Variants in PCDHGA5 observed in about 807,000 individuals in gnomAD.
The protein encoded by PCDHGA5 is protocadherin gamma subfamily A, 5, also known as protocadherin gamma-A5.
PCDHGA5 carries 36 observed loss-of-function variants against 56.7 expected under a neutral mutation model. That is an observed-to-expected ratio of 0.64 (90% CI 0.49 to 0.84). The LOEUF is 0.84. Among genes scored for constraint, PCDHGA5 ranks in the 40% least tolerant of loss-of-function variants. The probability of loss-of-function intolerance (pLI) is 0.00; values close to 1 mark genes in which losing one functional copy is unlikely to be tolerated. For missense variants in PCDHGA5, 1,305 were observed against 1,201.5 expected, an observed-to-expected ratio of 1.09 and a Z score of -1.27; for synonymous variants, 563 against 520.2, an observed-to-expected ratio of 1.08 and a Z score of -1.12.
intron 1 of PCDHGA5, chr5:141,417,867 G>C (rs1182017096): frequency 1.9e-6 from 3 of 1,552,610 alleles, no homozygotes; most frequent in African/African-American, 2.7e-5. Flanking sequence ...ACGATGGGAG[G>C]GAGCTGCGCG....
chr5:141,388,619 C>A (rs369637121), intron 1 of PCDHGA5: 1 of 1,613,852 alleles, frequency 6.2e-7, no homozygotes, highest in Admixed American at 1.7e-5. Flanking sequence ...TCAGTCAAGA[C>A]GTATACAGGG....
intron 1 of PCDHGA5, chr5:141,395,341 G>T: frequency 7.1e-7 from 1 of 1,409,696 alleles, no homozygotes; most frequent in Non-Finnish European, 9.4e-7. Flanking sequence ...AATTTTTAAG[G>T]TGTATCACAG....
At chr5:141,484,877 G>T in intron 1 of PCDHGA5, 1 of 338,660 alleles carries the variant, frequency 3.0e-6, no homozygotes, top group Non-Finnish European at 5.4e-6. Context: ...GTGGAGGATA[G>T]GGTGGGCTTT....
intron 1 of PCDHGA5, among the ~76,000 whole-genome samples, chr5:141,402,439 G>C (rs1278186410): frequency 6.6e-6 from 1 of 151,914 alleles, no homozygotes; most frequent in East Asian, 1.9e-4. Context: ...TCATAAAAAG[G>C]AAATTATAAT....
At chr5:141,388,710 G>T in intron 1 of PCDHGA5, 1 of 1,613,966 alleles carries the variant, frequency 6.2e-7, no homozygotes, top group Non-Finnish European at 8.5e-7. Context: ...TGTCAATGCC[G>T]AGATTACTTT....
intron 1 of PCDHGA5, chr5:141,415,388 G>C (rs752789407): frequency 6.2e-7 from 1 of 1,614,236 alleles, no homozygotes; most frequent in East Asian, 2.2e-5. Flanking sequence ...GGCTTGACAG[G>C]TGTGTCCGGC....
At chr5:141,387,891 A>T (rs774395551) in intron 1 of PCDHGA5, 36 of 1,554,882 alleles carry the variant, frequency 2.3e-5, no homozygotes, top group Non-Finnish European at 2.9e-5. Context: ...AGGGATGGGG[A>T]GCGGCGCCGG....
At chr5:141,448,200 T>C (rs2098574351) in intron 1 of PCDHGA5, among the ~76,000 whole-genome samples, 1 of 152,156 alleles carries the variant, frequency 6.6e-6, no homozygotes, top group Non-Finnish European at 1.5e-5. Context: ...CTTACAAACA[T>C]TTTCTGTGTG....
intron 1 of PCDHGA5, among the ~76,000 whole-genome samples, chr5:141,425,305 AC>A (rs1239206853): frequency 1.3e-5 from 2 of 152,202 alleles, no homozygotes; most frequent in Non-Finnish European, 2.9e-5. Flanking sequence ...ATCTAAACTA[AC>A]TTCCCAAGAT....
rs369794418 is a variant in PCDHGA5, at chr5:141,497,143, G to A, written c.2480+2278G>A. Among the ~76,000 whole-genome samples the A allele has an allele frequency of 7.3e-5, 11 of 150,108 alleles. No individual in the cohort carries two copies. In the East Asian group the frequency reaches 1.6e-3, roughly 21 times the overall value. On this transcript the variant is annotated intron_variant, in intron 2 of 3. Coordinates refer to ENST00000518069, the MANE Select transcript of PCDHGA5 (RefSeq NM_018918.3). ...AGAGGTTGCAGTGAGCTGAGATCAC[G>A]AAAAAAAAATAATCTAGCCACAAAT...
chr5:141,368,214 T>C (rs983603842), intron 1 of PCDHGA5, among the ~76,000 whole-genome samples: 12 of 152,194 alleles, frequency 7.9e-5, no homozygotes, highest in African/African-American at 2.9e-4. Flanking sequence ...ATATTACAAA[T>C]GGGATAGTAA....
Position 141,485,373 on chromosome 5 carries a change from C to T in PCDHGA5, c.2422-9434C>T. 2 of 1,614,136 alleles carry T rather than the reference C, an allele frequency of 1.2e-6. No homozygotes were observed. Among genetic ancestry groups the T allele is most frequent in the East Asian group, 2.2e-5 (1 of 44,868 alleles). On this transcript the variant is annotated intron_variant, in intron 1 of 3. Transcript: ENST00000518069. This position sits in a 1 kb window ranked among gnomAD's most constrained non-coding sequence, Gnocchi z 5.7. ...CTGTCAGCTCGCAGGCTGCAGGTCG[C>T]TGGAGAGGTGAACCAAAGACACTTC... is the stretch of plus-strand genomic sequence containing the variant.
intron 1 of PCDHGA5, chr5:141,410,052 T>C: frequency 6.2e-7 from 1 of 1,613,122 alleles, no homozygotes; most frequent in Non-Finnish European, 8.5e-7. Context: ...CCCGGACTCT[T>C]CAGCCTGGGG....
intron 1 of PCDHGA5, chr5:141,426,390 C>T (rs1211244710): frequency 7.9e-6 from 2 of 252,180 alleles, no homozygotes; most frequent in African/African-American, 4.4e-5. Flanking sequence ...AGATCCGCTA[C>T]TCTATTCCAG....
At chr5:141,488,208 C>T (rs2099672939) in intron 1 of PCDHGA5, among the ~76,000 whole-genome samples, 1 of 152,152 alleles carries the variant, frequency 6.6e-6, no homozygotes, top group African/African-American at 2.4e-5. Flanking sequence ...GGACTCATAT[C>T]AAGTCCCTAC....
In PCDHGA5 at chr5:141,489,406, A is replaced by T; in HGVS notation, c.2422-5401A>T. 6.2e-7 allele frequency: 1 copy of T among 1,614,166 alleles called. No individual in the cohort carries two copies. Among genetic ancestry groups the T allele is most frequent in the Non-Finnish European group, 8.5e-7 (1 of 1,180,028 alleles). Reference sequence around the variant, plus strand: ...TGTTGCTCAGGATCTGGGCTTAAAGATGACAGATCTGTTGAGCCGGCGGCT... The same window carrying T: ...TGTTGCTCAGGATCTGGGCTTAAAGTTGACAGATCTGTTGAGCCGGCGGCT... On this transcript the variant is annotated intron_variant, in intron 1 of 3. Coordinates refer to ENST00000518069, the MANE Select transcript of PCDHGA5 (RefSeq NM_018918.3). This position sits in a 1 kb window ranked among gnomAD's most constrained non-coding sequence, Gnocchi z 4.5.
rs1210809217 is a variant in PCDHGA5 at position 141,432,990 on chromosome 5, A to G, written c.2422-61817A>G. The G allele has an allele frequency of 6.2e-7, 1 of 1,614,152 alleles. No individual in the cohort carries two copies. The highest frequency in any genetic ancestry group is 1.7e-5 in the Admixed American group (1 of 60,022). ...CCGGCGTCGCACTTTGTGGGCGTGGACGGGGTGCAGGCTTTCCTGCAGACC... is the reference window on the plus strand; with the variant it reads ...CCGGCGTCGCACTTTGTGGGCGTGGGCGGGGTGCAGGCTTTCCTGCAGACC... On this transcript the variant is annotated intron_variant, in intron 1 of 3. Transcript: ENST00000518069. This position sits in a 1 kb window ranked among gnomAD's most constrained non-coding sequence, Gnocchi z 6.0.
intron 1 of PCDHGA5, chr5:141,422,905 G>A: frequency 6.2e-7 from 1 of 1,614,260 alleles, no homozygotes; most frequent in South Asian, 1.1e-5. Flanking sequence ...GAACGACAAT[G>A]CGCCCGAGAT....
At chr5:141,405,203 C>A in intron 1 of PCDHGA5, 2 of 1,613,520 alleles carry the variant, frequency 1.2e-6, no homozygotes, top group Non-Finnish European at 1.7e-6. Flanking sequence ...AGCTTTCCTA[C>A]AGACCTATTC....
Sources: gnomAD v4.1 joint callset for allele counts (sites outside exome capture counted in the v4.1 genomes callset) on GRCh38, gnomAD v4.1.1 for gene constraint, Gnocchi (gnomAD v3.1) non-coding constraint, MANE v1.5 for transcripts, NCBI Gene and HGNC (gene_info 2026-07-23, HGNC 2026-07-21) for gene names.